MAN1A2: variants seen among roughly 807,000 people sequenced by gnomAD.
The protein encoded by MAN1A2 is mannosyl-oligosaccharide 1,2-alpha-mannosidase IB.
Under a neutral mutation model 75.7 loss-of-function variants are expected in MAN1A2, and 26 were observed. The observed-to-expected ratio is 0.34, with a 90% CI of 0.25 to 0.48. MAN1A2 has a LOEUF of 0.48. Among genes scored for constraint, MAN1A2 ranks in the 20% least tolerant of loss-of-function variants. MAN1A2 has a pLI of 0.99. For synonymous variants in MAN1A2, 247 were observed against 264.6 expected (o/e 0.93, Z 0.65); for missense variants, 562 against 775.5 (o/e 0.72, Z 3.27).
chr1:117,447,019 C>T (rs1649255408), intron 6 of MAN1A2, among the ~76,000 whole-genome samples: 2 of 152,000 alleles, frequency 1.3e-5, no homozygotes, highest in Non-Finnish European at 2.9e-5. Flanking sequence ...TCCACTGTGT[C>T]TTCATCTCTG....
At chr1:117,386,330 G>A (rs145235293) in intron 1 of MAN1A2, among the ~76,000 whole-genome samples, 27 of 152,240 alleles carry the variant, frequency 1.8e-4, no homozygotes, top group Middle Eastern at 3.4e-3. Flanking sequence ...AGTAGGGGTT[G>A]GTACTGTTCA....
chr1:117,424,658 T>G (rs1207153497), intron 5 of MAN1A2, among the ~76,000 whole-genome samples: 1 of 152,198 alleles, frequency 6.6e-6, no homozygotes. Context: ...TGCGTTTCAC[T>G]CCTCTGCCTT....
intron 12 of MAN1A2, among the ~76,000 whole-genome samples, chr1:117,504,143 T>C (rs557422502): frequency 6.6e-6 from 1 of 151,596 alleles, no homozygotes; most frequent in Admixed American, 6.6e-5. Flanking sequence ...GTGATTAGGC[T>C]TGAGACTGTA....
intron 1 of MAN1A2, among the ~76,000 whole-genome samples, chr1:117,373,939 G>C (rs1245117159): frequency 6.6e-6 from 1 of 151,904 alleles, no homozygotes; most frequent in Non-Finnish European, 1.5e-5. Context: ...GTGAAAGCAA[G>C]TTTATTAGAG....
intron 5 of MAN1A2, among the ~76,000 whole-genome samples, chr1:117,439,734 A>G (rs1648968235): frequency 6.6e-6 from 1 of 152,094 alleles, no homozygotes; most frequent in African/African-American, 2.4e-5. Flanking sequence ...GCCTCAAGTG[A>G]TCCACCCACC....
At chr1:117,426,214 CT>C (rs578167853) in intron 5 of MAN1A2, among the ~76,000 whole-genome samples, 74 of 145,932 alleles carry the variant, frequency 5.1e-4, no homozygotes, top group Admixed American at 1.1e-3. Context: ...TGTAATAGGT[CT>C]TTTTTTTTTC....
chr1:117,479,222 T>A (rs1472096899), intron 8 of MAN1A2, among the ~76,000 whole-genome samples: 1 of 151,936 alleles, frequency 6.6e-6, no homozygotes, highest in Non-Finnish European at 1.5e-5. Context: ...CCTGTATAGT[T>A]TGCTGAGGCT....
intron 4 of MAN1A2, among the ~76,000 whole-genome samples, chr1:117,418,483 G>C (rs1044416934): frequency 6.6e-6 from 1 of 152,118 alleles, no homozygotes; most frequent in African/African-American, 2.4e-5. Context: ...TGAGAATAGA[G>C]GTACAGTTCC....
intron 11 of MAN1A2, among the ~76,000 whole-genome samples, chr1:117,499,962 T>C (rs1651149135): frequency 6.6e-6 from 1 of 151,632 alleles, no homozygotes; most frequent in Non-Finnish European, 1.5e-5. Context: ...TTACTAATTG[T>C]GATAAATAGC....
chr1:117,377,771 T>C (rs1442904022), intron 1 of MAN1A2, among the ~76,000 whole-genome samples: 3 of 152,248 alleles, frequency 2.0e-5, no homozygotes, highest in Non-Finnish European at 2.9e-5. Flanking sequence ...AGTTTTATAA[T>C]AGTATGCTTT....
chr1:117,425,233 G>GA (rs1235415121), intron 5 of MAN1A2, among the ~76,000 whole-genome samples: 3 of 151,858 alleles, frequency 2.0e-5, no homozygotes, highest in Non-Finnish European at 4.4e-5. Context: ...ACTTGGAAAG[G>GA]AAAAAACAAA....
At position 117,499,469 on chromosome 1, in the gene MAN1A2, G is replaced by A. The variant is rs1333787966; in HGVS notation, c.1592G>A (p.Arg531His). Residue 531 changes from arginine to histidine, a missense_variant, in exon 11 of 13, where the codon CGT (arginine) becomes CAT (histidine). This residue lies in a region of MAN1A2 where 434 missense variants were observed against 645.7 expected (regional missense o/e 0.67). Transcript: ENST00000356554. ...CAGGCTGAAAAGTATTATATCCTCC[G>A]TCCAGAAGTAATTGAAACCTATTGG... ...VRQAEKYYIL[R>H]PEVIETYWYL... 3.1e-6 allele frequency: 5 copies of A among 1,608,442 alleles called. No individual in the cohort carries two copies. Among genetic ancestry groups the A allele is most frequent in the Non-Finnish European group, 2.5e-6 (3 of 1,177,310 alleles).
At chr1:117,484,502 T>G (rs1451801761) in intron 8 of MAN1A2, among the ~76,000 whole-genome samples, 1 of 151,984 alleles carries the variant, frequency 6.6e-6, no homozygotes, top group African/African-American at 2.4e-5. Flanking sequence ...ATGAAAAATA[T>G]GCAAGAACCA....
chr1:117,433,041 A>G (rs1256403204), intron 5 of MAN1A2, among the ~76,000 whole-genome samples: 1 of 151,500 alleles, frequency 6.6e-6, no homozygotes, highest in African/African-American at 2.4e-5. Flanking sequence ...GTAATTAATC[A>G]TATTAATTAA....
chr1:117,446,755 A>G (rs1470727817), intron 6 of MAN1A2, among the ~76,000 whole-genome samples: 1 of 151,784 alleles, frequency 6.6e-6, no homozygotes, highest in African/African-American at 2.4e-5. Flanking sequence ...GTTGTTGGGT[A>G]TAACATTCTG....
chr1:117,485,689 C>T (rs1489810887), intron 8 of MAN1A2, among the ~76,000 whole-genome samples: 2 of 151,946 alleles, frequency 1.3e-5, no homozygotes, highest in South Asian at 4.1e-4. Flanking sequence ...TGTTCCACCT[C>T]CATCCCTGGT....
At chr1:117,464,593 A>C (rs939837106) in intron 7 of MAN1A2, among the ~76,000 whole-genome samples, 1 of 152,144 alleles carries the variant, frequency 6.6e-6, no homozygotes, top group Non-Finnish European at 1.5e-5. Flanking sequence ...TCAAATTCTC[A>C]TGAGCAGCAA....
intron 1 of MAN1A2, among the ~76,000 whole-genome samples, chr1:117,372,469 T>C (rs1652993651): frequency 6.6e-6 from 1 of 152,228 alleles, no homozygotes; most frequent in African/African-American, 2.4e-5. Context: ...ATAGTGGTAT[T>C]ACATGAATTT....
intron 5 of MAN1A2, among the ~76,000 whole-genome samples, chr1:117,440,366 G>A (rs1209889849): frequency 3.3e-5 from 5 of 151,986 alleles, no homozygotes; most frequent in Non-Finnish European, 5.9e-5. Flanking sequence ...TGTGGCTGAG[G>A]GACAGAACTG....
Sources: allele counts gnomAD v4.1 joint callset (sites outside exome capture counted in the v4.1 genomes callset), GRCh38; gene constraint gnomAD v4.1.1; regional missense constraint gnomAD v4.1.1; transcripts MANE v1.5; gene names NCBI Gene and HGNC (gene_info 2026-07-23, HGNC 2026-07-21).